Variants in PPFIA2 observed in about 807,000 individuals in gnomAD.
PPFIA2 encodes the protein PPFI scaffold protein A2, also known as liprin-alpha-2.
A neutral mutation model predicts 175.5 loss-of-function variants in PPFIA2; 46 were observed. That is an observed-to-expected ratio of 0.26 (90% CI 0.21 to 0.34). The LOEUF is 0.34. Among genes scored for constraint, PPFIA2 ranks in the 10% least tolerant of loss-of-function variants. The pLI is 1.00. For synonymous variants in PPFIA2, 568 were observed against 511.4 expected (o/e 1.11, Z -1.49); for missense variants, 1,179 against 1,506.1 (o/e 0.78, Z 3.60).
At chr12:81,628,376 C>CA (rs2062970628) in intron 4 of PPFIA2, among the ~76,000 whole-genome samples, 1 of 111,706 alleles carries the variant, frequency 9.0e-6, no homozygotes, top group Admixed American at 1.1e-4. Context: ...TTTCTTTTAC[C>CA]TTTTTTTTTT....
At chr12:81,271,821 A>G (rs1255081860) in intron 28 of PPFIA2, among the ~76,000 whole-genome samples, 2 of 151,898 alleles carry the variant, frequency 1.3e-5, no homozygotes, top group African/African-American at 2.4e-5. Context: ...TTACCCATAC[A>G]TTTTTCAGTT....
At chr12:81,355,742 A>G (rs1393992183) in intron 16 of PPFIA2, among the ~76,000 whole-genome samples, 3 of 152,154 alleles carry the variant, frequency 2.0e-5, no homozygotes, top group Non-Finnish European at 4.4e-5. Flanking sequence ...GCTAGCTTCA[A>G]AGTTTTCTTC....
chr12:81,395,124 G>T (rs2040878259), intron 8 of PPFIA2, among the ~76,000 whole-genome samples: 1 of 151,956 alleles, frequency 6.6e-6, no homozygotes, highest in African/African-American at 2.4e-5. Flanking sequence ...TAATAGTTTT[G>T]CAAGTTTGCT....
chr12:81,460,279 C>T (rs2054296815), intron 4 of PPFIA2, among the ~76,000 whole-genome samples: 1 of 152,064 alleles, frequency 6.6e-6, no homozygotes, highest in Non-Finnish European at 1.5e-5. Flanking sequence ...AGGGAAACCG[C>T]TTTCATTTGG....
At chr12:81,658,268 CAA>C (rs1318255722) in intron 4 of PPFIA2, among the ~76,000 whole-genome samples, 1 of 114,520 alleles carries the variant, frequency 8.7e-6, no homozygotes, top group African/African-American at 3.9e-5. Context: ...AACTCCATCT[CAA>C]AAAAAAAAAA....
chr12:81,297,024 C>A (rs994312347), intron 23 of PPFIA2, among the ~76,000 whole-genome samples: 2 of 152,178 alleles, frequency 1.3e-5, no homozygotes, highest in Admixed American at 6.5e-5. Context: ...CTGTCTCTTT[C>A]CCTCTGAGCT....
At chr12:81,649,052 C>T (rs995866654) in intron 4 of PPFIA2, among the ~76,000 whole-genome samples, 4 of 151,148 alleles carry the variant, frequency 2.6e-5, no homozygotes, top group Admixed American at 1.3e-4. Flanking sequence ...TCTTTGTCAC[C>T]TTTATTTAGA....
chr12:81,682,433 TA>T (rs1220105916), intron 3 of PPFIA2, among the ~76,000 whole-genome samples: 1 of 152,050 alleles, frequency 6.6e-6, no homozygotes, highest in Non-Finnish European at 1.5e-5. Flanking sequence ...CCTAGAAAAC[TA>T]ATGCATGCAT....
At chr12:81,594,219 G>T (rs2059000752) in intron 4 of PPFIA2, among the ~76,000 whole-genome samples, 1 of 152,094 alleles carries the variant, frequency 6.6e-6, no homozygotes, top group Non-Finnish European at 1.5e-5. Flanking sequence ...GAAAACCAGT[G>T]TCTGGTGCCA....
At position 81,358,924 on chromosome 12, in the gene PPFIA2, G is replaced by A. The variant is rs569493030; in HGVS notation, c.1638-707C>T. ...AAATCTGCTTAAAGATGAAAGAGTC[G>A]GAAAATTTTAGTTGGAAAGTATCAT... On this transcript the variant is annotated intron_variant, in intron 15 of 32. Coordinates refer to ENST00000549396, the MANE Select transcript of PPFIA2 (RefSeq NM_003625.5). Among the ~76,000 whole-genome samples the A allele has an allele frequency of 1.3e-4, 19 of 151,854 alleles. No homozygotes were observed. In the South Asian group the frequency reaches 1.5e-3, roughly 12 times the overall value.
chr12:81,635,920 T>TCTCA lies in PPFIA2; in HGVS notation c.303+40870_303+40871insTGAG, dbSNP rs374588850. Among the ~76,000 whole-genome samples, 232 of 150,828 alleles carry TCTCA rather than the reference T, an allele frequency of 1.5e-3. 1 individual carries two copies. Among genetic ancestry groups the TCTCA allele is most frequent in the African/African-American group, 3.3e-3 (136 of 41,034 alleles). On this transcript the variant is annotated intron_variant, in intron 4 of 32. Coordinates refer to ENST00000549396, the MANE Select transcript of PPFIA2 (RefSeq NM_003625.5). The stretch of plus-strand genomic sequence containing the variant: ...TTTGGGAAAATGCAATCTCTCTCTC[T>TCTCA]CACACACACACACACACACACACAC...
chr12:81,475,487 G>T (rs2057356301), intron 4 of PPFIA2, among the ~76,000 whole-genome samples: 1 of 152,042 alleles, frequency 6.6e-6, no homozygotes, highest in Admixed American at 6.6e-5. Context: ...AATACAATTT[G>T]CTATTTATTA....
chr12:81,733,586 A>G (rs2081205909), intron 3 of PPFIA2, among the ~76,000 whole-genome samples: 1 of 151,708 alleles, frequency 6.6e-6, no homozygotes, highest in Admixed American at 6.6e-5. Flanking sequence ...GATTTTATCT[A>G]TATATAAAAT....
At chr12:81,600,274 T>A (rs984890686) in intron 4 of PPFIA2, among the ~76,000 whole-genome samples, 13 of 151,970 alleles carry the variant, frequency 8.6e-5, no homozygotes, top group Non-Finnish European at 1.0e-4. Context: ...CTTTACACTC[T>A]GGTTTGAAAT....
chr12:81,492,791 T>C (rs1048544437), intron 4 of PPFIA2, among the ~76,000 whole-genome samples: 1 of 152,038 alleles, frequency 6.6e-6, no homozygotes, highest in Admixed American at 6.6e-5. Context: ...GATTTCTGTA[T>C]AAATGTAATC....
chr12:81,643,017 T>C (rs899972532), intron 4 of PPFIA2, among the ~76,000 whole-genome samples: 6 of 147,574 alleles, frequency 4.1e-5, no homozygotes, highest in South Asian at 2.1e-4. Flanking sequence ...TTATATAGTG[T>C]ATATATCTAT....
At chr12:81,727,485 T>C (rs2080241827) in intron 3 of PPFIA2, among the ~76,000 whole-genome samples, 1 of 151,310 alleles carries the variant, frequency 6.6e-6, no homozygotes, top group African/African-American at 2.4e-5. Context: ...TTTCTCCTTG[T>C]TTCTATGCTG....
intron 4 of PPFIA2, among the ~76,000 whole-genome samples, chr12:81,626,810 C>A (rs1169761799): frequency 6.6e-6 from 1 of 151,974 alleles, no homozygotes; most frequent in Non-Finnish European, 1.5e-5. Context: ...TTTTGAGGTA[C>A]TCAGTATGCC....
intron 8 of PPFIA2, among the ~76,000 whole-genome samples, chr12:81,395,724 A>C (rs1371879099): frequency 6.6e-6 from 1 of 152,024 alleles, no homozygotes; most frequent in Non-Finnish European, 1.5e-5. Flanking sequence ...TCTTCAGAGG[A>C]CAGCTCCCAG....
Sources: allele counts gnomAD v4.1 joint callset (sites outside exome capture counted in the v4.1 genomes callset), GRCh38; gene constraint gnomAD v4.1.1; transcripts MANE v1.5; gene names NCBI Gene and HGNC (gene_info 2026-07-23, HGNC 2026-07-21).